The following SHANK2 variants were observed in gnomAD, a reference collection of about 807,000 sequenced individuals.
SHANK2 encodes SH3 and multiple ankyrin repeat domains protein 2.
A neutral mutation model predicts 133.7 loss-of-function variants in SHANK2; 43 were observed. The ratio of observed to expected loss-of-function variants is 0.32; its 90% CI spans 0.25 to 0.41. The LOEUF (loss-of-function observed/expected upper bound fraction) is 0.41. Among genes scored for constraint, SHANK2 ranks in the 10% least tolerant of loss-of-function variants. SHANK2 has a pLI of 1.00. For synonymous variants in SHANK2, 1,017 were observed against 952.8 expected (o/e 1.07, Z -1.24); for missense variants, 1,994 against 2,235.8 (o/e 0.89, Z 2.18).
At chr11:70,584,056 G>A (rs983069128) in intron 17 of SHANK2, among the ~76,000 whole-genome samples, 8 of 152,256 alleles carry the variant, frequency 5.3e-5, no homozygotes, top group South Asian at 2.1e-4. Context: ...ATCCCCGGCC[G>A]ACCCCCAGAG....
At chr11:70,863,570 T>C (rs1240506800) in intron 11 of SHANK2, 3 of 457,550 alleles carry the variant, frequency 6.6e-6, no homozygotes, top group Non-Finnish European at 1.3e-5. Flanking sequence ...AGGTACAATT[T>C]AGAGTCTAAA....
At chr11:71,116,002 C>G (rs1212606026) in intron 4 of SHANK2, among the ~76,000 whole-genome samples, 2 of 152,180 alleles carry the variant, frequency 1.3e-5, no homozygotes, top group African/African-American at 2.4e-5. Context: ...GTGATTTGCT[C>G]TAAACCACAC....
chr11:70,702,460 C>T (rs900688850), intron 14 of SHANK2, among the ~76,000 whole-genome samples: 11 of 151,832 alleles, frequency 7.2e-5, no homozygotes, highest in Non-Finnish European at 1.5e-4. Context: ...ACCATCATCA[C>T]TATCATCACC....
intron 10 of SHANK2, chr11:70,942,728 C>G: frequency 2.2e-6 from 1 of 456,426 alleles, no homozygotes; most frequent in Admixed American, 2.3e-5. Flanking sequence ...CACCAAGCAT[C>G]AGTTGCACTC....
chr11:71,193,420 C>T (rs550076769), intron 2 of SHANK2, among the ~76,000 whole-genome samples: 2 of 152,332 alleles, frequency 1.3e-5, no homozygotes, highest in East Asian at 3.9e-4. Context: ...CTACGATCAG[C>T]AGAGCTGTTC....
At chr11:70,718,700 C>CTTTTTTT (rs60414874) in intron 14 of SHANK2, among the ~76,000 whole-genome samples, 11 of 129,778 alleles carry the variant, frequency 8.5e-5, no homozygotes, top group Admixed American at 1.5e-4. Context: ...AGCTCATTCT[C>CTTTTTTT]TTTTTTTTTT....
At chr11:70,606,345 C>A (rs1554992393) in intron 17 of SHANK2, among the ~76,000 whole-genome samples, 1 of 151,710 alleles carries the variant, frequency 6.6e-6, no homozygotes, top group Non-Finnish European at 1.5e-5. Context: ...TGAGGCCAGG[C>A]GTTTGAGACC....
intron 10 of SHANK2, among the ~76,000 whole-genome samples, chr11:70,902,936 T>A (rs1395848721): frequency 6.6e-6 from 1 of 152,184 alleles, no homozygotes; most frequent in South Asian, 2.1e-4. Context: ...GCAGTCACTC[T>A]GCAAGGCAGT....
At chr11:70,692,890 C>CA (rs370531837) in intron 15 of SHANK2, among the ~76,000 whole-genome samples, 170 of 152,284 alleles carry the variant, frequency 1.1e-3, no homozygotes, top group African/African-American at 3.9e-3. Flanking sequence ...TAAGGGAGAA[C>CA]AAAAAACAGA....
At chr11:70,932,424 G>A (rs560669234) in intron 10 of SHANK2, among the ~76,000 whole-genome samples, 5 of 152,350 alleles carry the variant, frequency 3.3e-5, no homozygotes, top group South Asian at 2.1e-4. Flanking sequence ...GTCCGCGCAC[G>A]TGCGGCCCCG....
intron 11 of SHANK2, among the ~76,000 whole-genome samples, chr11:70,859,803 G>A (rs1003297838): frequency 1.4e-4 from 22 of 152,224 alleles, no homozygotes; most frequent in African/African-American, 5.3e-4. Flanking sequence ...GTCCAGCATA[G>A]CTGAAGAGAT....
At chr11:70,941,621 C>T (rs1334049894) in intron 10 of SHANK2, among the ~76,000 whole-genome samples, 2 of 151,988 alleles carry the variant, frequency 1.3e-5, no homozygotes, top group Admixed American at 6.6e-5. Flanking sequence ...CGATAGGATT[C>T]GTGTCCTTAT....
chr11:70,682,366 A>G (rs782640283), intron 15 of SHANK2, among the ~76,000 whole-genome samples: 3 of 152,200 alleles, frequency 2.0e-5, no homozygotes, highest in Non-Finnish European at 4.4e-5. Flanking sequence ...GCTGTGCCCC[A>G]CAAATACATG....
At chr11:70,758,951 G>C (rs1263655638) in intron 14 of SHANK2, among the ~76,000 whole-genome samples, 1 of 146,040 alleles carries the variant, frequency 6.8e-6, no homozygotes, top group African/African-American at 2.5e-5. Context: ...ACGAGGTCAA[G>C]AGATCAAGAC....
chr11:71,216,515 T>TG (rs1363093111), intron 2 of SHANK2, among the ~76,000 whole-genome samples: 3 of 152,162 alleles, frequency 2.0e-5, no homozygotes, highest in South Asian at 2.1e-4. Flanking sequence ...GTACAGGTTT[T>TG]GGGGGGGAAT....
At chr11:70,782,801 A>G (rs1555045484) in intron 14 of SHANK2, among the ~76,000 whole-genome samples, 2 of 152,194 alleles carry the variant, frequency 1.3e-5, no homozygotes, top group Non-Finnish European at 2.9e-5. Flanking sequence ...TAATAAGGGA[A>G]CCGCAAATGG....
intron 8 of SHANK2, among the ~76,000 whole-genome samples, chr11:71,082,770 ATTTC>A (rs1352274541): frequency 5.9e-5 from 9 of 152,166 alleles, no homozygotes; most frequent in African/African-American, 2.2e-4. Flanking sequence ...GCCCGAAACT[ATTTC>A]TTTAAGGCGG....
intron 17 of SHANK2, among the ~76,000 whole-genome samples, chr11:70,639,260 A>C (rs2061146626): frequency 1.3e-5 from 2 of 152,176 alleles, no homozygotes; most frequent in South Asian, 4.1e-4. Context: ...TCAGTCCATC[A>C]GGCCTTTGCT....
chr11:70,743,253 C>T (rs557607264), intron 14 of SHANK2, among the ~76,000 whole-genome samples: 6 of 152,352 alleles, frequency 3.9e-5, no homozygotes, highest in South Asian at 4.1e-4. Context: ...TGCGTGCCCC[C>T]CCCAGTTCAT....
Sources: gnomAD v4.1 joint callset for allele counts (sites outside exome capture counted in the v4.1 genomes callset) on GRCh38, gnomAD v4.1.1 for gene constraint, MANE v1.5 for transcripts, NCBI Gene and HGNC (gene_info 2026-07-23, HGNC 2026-07-21) for gene names.